Variants in NLGN1 observed in about 807,000 individuals in gnomAD.
The protein encoded by NLGN1 is neuroligin-1.
Under a neutral mutation model 65.5 loss-of-function variants are expected in NLGN1, and 12 were observed. The observed-to-expected ratio is 0.18, with a 90% CI of 0.12 to 0.30. The LOEUF (loss-of-function observed/expected upper bound fraction) is 0.30, where lower values mean the gene tolerates loss of function less well. Ranked by LOEUF, NLGN1 falls within the 10% of genes least tolerant of loss-of-function variation. NLGN1 has a pLI of 1.00. For synonymous variants in NLGN1, 350 were observed against 359.5 expected (o/e 0.97, Z 0.30); for missense variants, 750 against 1,007.1 (o/e 0.74, Z 3.46).
intron 2 of NLGN1, among the ~76,000 whole-genome samples, chr3:173,445,700 A>T (rs751146489): frequency 6.6e-6 from 1 of 152,222 alleles, no homozygotes; most frequent in Non-Finnish European, 1.5e-5. Context: ...TGTTTTCTAC[A>T]TATCAGCAGC....
intron 4 of NLGN1, among the ~76,000 whole-genome samples, chr3:174,201,360 AAGGAAGGAAGGAAGGAAAG>A (rs1734453566): frequency 7.5e-6 from 1 of 133,770 alleles, no homozygotes; most frequent in Non-Finnish European, 1.6e-5. Flanking sequence ...GGAAGGAAGG[AAGGAAGGAAGGAAGGAAAG>A]AAGGAAGGAA....
At chr3:174,020,094 G>A (rs79685737) in intron 4 of NLGN1, among the ~76,000 whole-genome samples, 1 of 152,066 alleles carries the variant, frequency 6.6e-6, no homozygotes, top group Non-Finnish European at 1.5e-5. Flanking sequence ...TTTTTAAAAA[G>A]ATAAATAACT....
chr3:173,951,468 T>TG (rs1029669482), intron 4 of NLGN1, among the ~76,000 whole-genome samples: 5 of 151,512 alleles, frequency 3.3e-5, no homozygotes, highest in Non-Finnish European at 7.4e-5. Context: ...TTTTTTTTTT[T>TG]TTTCTTTGTT....
At chr3:174,101,720 A>G (rs918561198) in intron 4 of NLGN1, among the ~76,000 whole-genome samples, 1 of 152,300 alleles carries the variant, frequency 6.6e-6, no homozygotes, top group Middle Eastern at 3.4e-3. Flanking sequence ...TGCCCACACT[A>G]TAGATTCATA....
At chr3:173,475,063 C>G (rs1725968759) in intron 2 of NLGN1, among the ~76,000 whole-genome samples, 1 of 152,112 alleles carries the variant, frequency 6.6e-6, no homozygotes. Flanking sequence ...TTTATATTAT[C>G]TTAGATGCAG....
At chr3:173,942,222 C>G (rs968127495) in intron 4 of NLGN1, among the ~76,000 whole-genome samples, 1 of 151,792 alleles carries the variant, frequency 6.6e-6, no homozygotes, top group Non-Finnish European at 1.5e-5. Flanking sequence ...TAGTGAAGCA[C>G]TGCCTATATT....
intron 4 of NLGN1, among the ~76,000 whole-genome samples, chr3:174,110,591 A>G (rs1714980139): frequency 6.6e-6 from 1 of 151,994 alleles, no homozygotes; most frequent in Admixed American, 6.6e-5. Context: ...AACTCCAAGG[A>G]TATGCCAAGT....
chr3:173,740,418 G>A (rs1173728142), intron 3 of NLGN1, among the ~76,000 whole-genome samples: 1 of 151,996 alleles, frequency 6.6e-6, no homozygotes, highest in African/African-American at 2.4e-5. Flanking sequence ...ACCATATTTT[G>A]CACATAGCAC....
chr3:173,785,461 C>T (rs1404643235), intron 3 of NLGN1, among the ~76,000 whole-genome samples: 1 of 152,006 alleles, frequency 6.6e-6, no homozygotes, highest in Non-Finnish European at 1.5e-5. Context: ...CTTAGTTTTA[C>T]TAAAGTCTGA....
intron 1 of NLGN1, among the ~76,000 whole-genome samples, chr3:173,434,402 G>A (rs968521428): frequency 6.6e-6 from 1 of 152,146 alleles, no homozygotes; most frequent in East Asian, 1.9e-4. Flanking sequence ...AACACTGCAG[G>A]TGATTACAAT....
Position 173,598,077 on chromosome 3 carries a change from CTTTCGTTGATA to C in NLGN1, c.-320-6198_-320-6188del, listed in dbSNP as rs578030614. ...TTTATTATTGTATTTCTAGTACTCC[CTTTCGTTGATA>C]TTTGATAAAAAGTTAATCCAGTAGT... On this transcript the variant is annotated intron_variant, in intron 2 of 6. Transcript: ENST00000457714. 2.8e-3 allele frequency among the ~76,000 whole-genome samples: 433 copies of C among 152,220 alleles called. 1 individual carries two copies. The highest frequency in any genetic ancestry group is 0.01 in the African/African-American group (419 of 41,544).
chr3:174,147,502 C>T (rs1008309115), intron 4 of NLGN1, among the ~76,000 whole-genome samples: 14 of 129,174 alleles, frequency 1.1e-4, no homozygotes, highest in African/African-American at 3.4e-4. Flanking sequence ...AGAGCGATCT[C>T]GGCTCACTGC....
intron 3 of NLGN1, among the ~76,000 whole-genome samples, chr3:173,700,216 T>C (rs1766919379): frequency 6.6e-6 from 1 of 152,246 alleles, no homozygotes. Flanking sequence ...GCGTTCATAT[T>C]AATCACTACT....
chr3:174,113,838 G>A (rs565823711), intron 4 of NLGN1, among the ~76,000 whole-genome samples: 49 of 152,094 alleles, frequency 3.2e-4, no homozygotes, highest in African/African-American at 1.0e-3. Context: ...CTAACTGTAC[G>A]TAGGTGAATC....
chr3:173,645,882 C>T (rs150859458), intron 3 of NLGN1, among the ~76,000 whole-genome samples: 501 of 152,316 alleles, frequency 3.3e-3, no homozygotes, highest in African/African-American at 0.012. Flanking sequence ...CCATTCTCCT[C>T]GGCCCCCACC....
At position 173,450,467 on chromosome 3, in the gene NLGN1, C is replaced by T. The variant is rs563175275; in HGVS notation, c.-321+15389C>T. On this transcript the variant is annotated intron_variant, in intron 2 of 6. Transcript: ENST00000457714. Reference sequence around the variant, plus strand: ...GATGGGCTTCCCTTTGTGGGTAACCCGACCTTTCTCTCGGGCTGCCCTTAA... The same window carrying T: ...GATGGGCTTCCCTTTGTGGGTAACCTGACCTTTCTCTCGGGCTGCCCTTAA... Among the ~76,000 whole-genome samples the T allele has an allele frequency of 2.5e-4, 38 of 152,184 alleles. No homozygotes were observed. In the East Asian group the frequency reaches 5.6e-3, roughly 22 times the overall value.
chr3:174,064,967 C>T (rs560216935), intron 4 of NLGN1, among the ~76,000 whole-genome samples: 6 of 151,284 alleles, frequency 4.0e-5, no homozygotes, highest in African/African-American at 1.4e-4. Flanking sequence ...TAAAAAATAT[C>T]TTAAAGAAAA....
At chr3:173,654,084 A>G (rs1351374610) in intron 3 of NLGN1, among the ~76,000 whole-genome samples, 1 of 152,136 alleles carries the variant, frequency 6.6e-6, no homozygotes, top group African/African-American at 2.4e-5. Flanking sequence ...AATAAGCCCT[A>G]CTCAAATTTC....
At chr3:174,175,564 A>C (rs970998106) in intron 4 of NLGN1, among the ~76,000 whole-genome samples, 4 of 151,666 alleles carry the variant, frequency 2.6e-5, no homozygotes, top group Admixed American at 6.6e-5. Flanking sequence ...TCCAACCCCT[A>C]TTTTAGTGGC....
Sources: allele counts gnomAD v4.1 joint callset (sites outside exome capture counted in the v4.1 genomes callset), GRCh38; gene constraint gnomAD v4.1.1; transcripts MANE v1.5; gene names NCBI Gene and HGNC (gene_info 2026-07-23, HGNC 2026-07-21).